The following RUSC2 variants were observed in gnomAD, a reference collection of about 807,000 sequenced individuals.
RUSC2 encodes AP-4 complex accessory subunit RUSC2.
Under a neutral mutation model 122.2 loss-of-function variants are expected in RUSC2, and 34 were observed. The observed-to-expected ratio is 0.28, with a 90% CI of 0.21 to 0.37. The LOEUF is 0.37. RUSC2 is among the 10% of genes least tolerant of loss of function. The pLI is 1.00. For synonymous variants in RUSC2, 784 were observed against 790.0 expected, an observed-to-expected ratio of 0.99 and a Z score of 0.13; for missense variants, 1,747 against 1,952.4, an observed-to-expected ratio of 0.89 and a Z score of 1.98.
chr9:35,495,992 T>G (rs1300614182), intron 1 of RUSC2, among the ~76,000 whole-genome samples: 1 of 152,198 alleles, frequency 6.6e-6, no homozygotes, highest in Non-Finnish European at 1.5e-5. Context: ...GGCATACAGC[T>G]GATTGGATAA....
chr9:35,521,072 G>T lies in RUSC2; in HGVS notation c.-92-25358G>T, dbSNP rs534325913. Among the ~76,000 whole-genome samples the T allele has an allele frequency of 3.9e-5, 6 of 152,266 alleles. No individual in the cohort carries two copies. The South Asian group carries it at 1.2e-3, about 32-fold the overall frequency. On this transcript the variant is annotated intron_variant, in intron 1 of 11. Transcript: ENST00000361226. ...CTAGCAGTTAGAAGCCAGGCACCTG[G>T]GAGTATAGGTGTGTTTATGTGTATT...
intron 1 of RUSC2, chr9:35,507,519 A>G (rs952552561): frequency 1.7e-5 from 3 of 176,836 alleles, no homozygotes; most frequent in African/African-American, 7.1e-5. Context: ...CATATTTAGC[A>G]TCACTCTAAA....
chr9:35,559,463 G>A (rs1353725266), intron 9 of RUSC2, among the ~76,000 whole-genome samples, 191 bp downstream of exon 9: 2 of 152,082 alleles, frequency 1.3e-5, no homozygotes, highest in Non-Finnish European at 2.9e-5. Context: ...GGCCAGGCAT[G>A]GTGGCTCATG....
intron 1 of RUSC2, chr9:35,507,513 T>A (rs1309411339): frequency 1.2e-5 from 2 of 172,294 alleles, no homozygotes; most frequent in African/African-American, 4.8e-5. Flanking sequence ...GGCCAGCATA[T>A]TTAGCATCAC....
intron 1 of RUSC2, among the ~76,000 whole-genome samples, chr9:35,503,340 A>G (rs1213467536): frequency 6.6e-6 from 1 of 152,196 alleles, no homozygotes; most frequent in Non-Finnish European, 1.5e-5. Flanking sequence ...AGCTCCTACT[A>G]TGAGTGAGAA....
At chr9:35,552,756 G>A (rs1292365196) in intron 2 of RUSC2, among the ~76,000 whole-genome samples, 1 of 152,196 alleles carries the variant, frequency 6.6e-6, no homozygotes, top group Non-Finnish European at 1.5e-5. Context: ...GAGAAAAACT[G>A]ACTCGGGTGA....
intron 2 of RUSC2, among the ~76,000 whole-genome samples, chr9:35,551,236 T>C (rs1045169854): frequency 2.0e-5 from 3 of 151,612 alleles, no homozygotes; most frequent in African/African-American, 7.3e-5. Context: ...TCTCAGAGGG[T>C]TTAGAAGGAA....
chr9:35,536,808 C>CAAAA (rs67604535), intron 1 of RUSC2, among the ~76,000 whole-genome samples: 3,052 of 67,226 alleles, frequency 0.045, 6 homozygotes, highest in Non-Finnish European at 0.061. Context: ...GAGTGAAACT[C>CAAAA]AAAAAAAAAA....
rs1821791034 is a variant in RUSC2, at chr9:35,547,767, T to A, written c.1246T>A (p.Ser416Thr). The change falls in exon 2 of 12, where the codon TCC (serine) becomes ACC (threonine). Residue 416 changes from serine to threonine, a missense_variant. Coordinates refer to ENST00000361226, the MANE Select transcript of RUSC2 (RefSeq NM_014806.5). The surrounding 1 kb of genome is among the most constrained non-coding windows in gnomAD (Gnocchi z 4.6). ...SQSSPSPAGS[S>T]ITSCSEEHTK... is the part of the protein sequence containing the mutation. ...ATCATCCCCAAGCCCTGCTGGCTCT[T>A]CCATCACTAGCTGCTCTGAGGAACA... The A allele has an allele frequency of 6.2e-7, 1 of 1,614,152 alleles. No homozygotes were observed.
chr9:35,527,987 C>T (rs1030287787), intron 1 of RUSC2, among the ~76,000 whole-genome samples: 11 of 152,212 alleles, frequency 7.2e-5, no homozygotes, highest in African/African-American at 2.7e-4. Context: ...CCCTGGTTCT[C>T]CCCCTTGCTT....
intron 1 of RUSC2, among the ~76,000 whole-genome samples, chr9:35,531,826 T>C (rs2132531184): frequency 6.6e-6 from 1 of 152,166 alleles, no homozygotes; most frequent in East Asian, 1.9e-4. Flanking sequence ...GAGACTGAGA[T>C]CATCCTGGCT....
intron 1 of RUSC2, among the ~76,000 whole-genome samples, chr9:35,502,838 GAT>G (rs1820841508): frequency 6.6e-6 from 1 of 151,924 alleles, no homozygotes; most frequent in Non-Finnish European, 1.5e-5. Context: ...TGGTAACTTA[GAT>G]AAGTTTTTTT....
rs1307979128 is a variant in RUSC2, at chr9:35,499,223, G to A, written c.-93+9051G>A. On this transcript the variant is annotated intron_variant, in intron 1 of 11. Coordinates refer to ENST00000361226, the MANE Select transcript of RUSC2 (RefSeq NM_014806.5). Reference sequence around the variant, plus strand: ...AATTGCTTGAACCCAGGAGGCAGAGGCTGTAGTGAGTTGAGATTGTGTCAC... The same window carrying A: ...AATTGCTTGAACCCAGGAGGCAGAGACTGTAGTGAGTTGAGATTGTGTCAC... Among the ~76,000 whole-genome samples the A allele has an allele frequency of 2.0e-5, 3 of 152,166 alleles. No individual in the cohort carries two copies. In the East Asian group the frequency reaches 5.8e-4, roughly 29 times the overall value.
chr9:35,492,998 C>A (rs1024625910), intron 1 of RUSC2, among the ~76,000 whole-genome samples: 4 of 150,904 alleles, frequency 2.7e-5, no homozygotes, highest in African/African-American at 7.3e-5. Context: ...TTTTTTTTAA[C>A]TTTTATTTTA....
At chr9:35,538,870 C>G (rs1188513806) in intron 1 of RUSC2, 4 of 152,434 alleles carry the variant, frequency 2.6e-5, no homozygotes, top group African/African-American at 9.7e-5. Context: ...TTAGCAGCAA[C>G]GTCACCGCAG....
rs769782982 is a variant in RUSC2 at position 35,561,169 on chromosome 9, C to CTGTT, written c.4350-10_4350-7dup. On this transcript the variant is annotated splice_polypyrimidine_tract_variant and intron_variant, in intron 11 of 11. Transcript: ENST00000361226. ...AGGGGGTTTCTCTGACCTCCATGTGCTGTTTCCCCAGTGAGGTGCAGGCAC... is the reference window on the plus strand; with the variant it reads ...AGGGGGTTTCTCTGACCTCCATGTGCTGTTTGTTTCCCCAGTGAGGTGCAGGCAC... 23 of 1,613,656 alleles carry CTGTT rather than the reference C, an allele frequency of 1.4e-5. No individual in the cohort carries two copies. In the Admixed American group the frequency reaches 3.8e-4, roughly 27 times the overall value.
chr9:35,517,401 T>G (rs73496855), intron 1 of RUSC2, among the ~76,000 whole-genome samples: 1 of 152,260 alleles, frequency 6.6e-6, no homozygotes, highest in African/African-American at 2.4e-5. Flanking sequence ...AATACATCCC[T>G]CATTAATGTT....
chr9:35,504,740 T>C (rs973169996), intron 1 of RUSC2, among the ~76,000 whole-genome samples: 2 of 152,188 alleles, frequency 1.3e-5, no homozygotes, highest in South Asian at 4.1e-4. Context: ...GCTGGAATTA[T>C]AGGCATGAGC....
At chr9:35,496,995 T>C (rs1291080358) in intron 1 of RUSC2, among the ~76,000 whole-genome samples, 1 of 152,240 alleles carries the variant, frequency 6.6e-6, no homozygotes, top group Non-Finnish European at 1.5e-5. Flanking sequence ...TACTTGAATC[T>C]GGCATTTAAT....
Sources: allele counts gnomAD v4.1 joint callset (sites outside exome capture counted in the v4.1 genomes callset), GRCh38; gene constraint gnomAD v4.1.1; non-coding constraint Gnocchi (gnomAD v3.1); transcripts MANE v1.5; gene names NCBI Gene and HGNC (gene_info 2026-07-23, HGNC 2026-07-21).